The following CFAP299 variants were observed in gnomAD, a reference collection of about 807,000 sequenced individuals.
The protein encoded by CFAP299 is cilia and flagella associated protein 299, also known as cilia- and flagella-associated protein 299.
In CFAP299, 21 loss-of-function variants were observed where a neutral mutation model predicts 27.0. The observed-to-expected ratio is 0.78, with a 90% CI of 0.55 to 1.12. The LOEUF is 1.12. Among genes scored for constraint, CFAP299 ranks in the 50% most tolerant of loss-of-function variants. The pLI, the probability that CFAP299 is intolerant of heterozygous loss-of-function variation, is 0.00. For synonymous variants in CFAP299, 104 were observed against 98.1 expected, an observed-to-expected ratio of 1.06 and a Z score of -0.36; for missense variants, 310 against 276.6, an observed-to-expected ratio of 1.12 and a Z score of -0.86.
chr4:80,870,759 A>C (rs1447631473), intron 4 of CFAP299: 1 of 985,326 alleles, frequency 1.0e-6, no homozygotes, highest in Non-Finnish European at 1.2e-6. Flanking sequence ...CCCCAAAATT[A>C]AGTAGCAGCA....
At chr4:80,591,073 G>T (rs890993736) in intron 3 of CFAP299, among the ~76,000 whole-genome samples, 1 of 147,950 alleles carries the variant, frequency 6.8e-6, no homozygotes, top group Non-Finnish European at 1.5e-5. Context: ...GTCATACATG[G>T]AAGCAAGAAA....
At chr4:80,844,954 G>A (rs1213690412) in intron 3 of CFAP299, among the ~76,000 whole-genome samples, 1 of 152,136 alleles carries the variant, frequency 6.6e-6, no homozygotes, top group Non-Finnish European at 1.5e-5. Context: ...AAGGGATCCA[G>A]TTTCAGCTTT....
intron 5 of CFAP299, among the ~76,000 whole-genome samples, chr4:80,953,417 C>A (rs1459688931): frequency 6.6e-6 from 1 of 152,130 alleles, no homozygotes; most frequent in African/African-American, 2.4e-5. Flanking sequence ...AACATTTTCT[C>A]CTCTGGGTAA....
chr4:80,674,613 G>A (rs1217780039), intron 3 of CFAP299, among the ~76,000 whole-genome samples: 1 of 152,206 alleles, frequency 6.6e-6, no homozygotes, highest in South Asian at 2.1e-4. Context: ...ATCCTGAAGA[G>A]TGTTTTCCAA....
intron 3 of CFAP299, among the ~76,000 whole-genome samples, chr4:80,793,408 C>G (rs1727682593): frequency 1.3e-5 from 2 of 151,988 alleles, no homozygotes; most frequent in South Asian, 4.1e-4. Context: ...CTTTCCCAGC[C>G]CACTGATTAA....
intron 3 of CFAP299, among the ~76,000 whole-genome samples, chr4:80,786,267 T>G (rs192933466): frequency 5.2e-4 from 79 of 152,170 alleles, no homozygotes; most frequent in African/African-American, 1.9e-3. Flanking sequence ...AGTCATAGTT[T>G]GGGGTGGAGA....
intron 3 of CFAP299, among the ~76,000 whole-genome samples, chr4:80,862,111 T>G (rs1732413490): frequency 6.6e-6 from 1 of 152,182 alleles, no homozygotes; most frequent in Admixed American, 6.5e-5. Flanking sequence ...GGTTCATGCC[T>G]GTAATCCCAG....
intron 4 of CFAP299, among the ~76,000 whole-genome samples, chr4:80,911,202 T>C (rs1735454363): frequency 6.6e-6 from 1 of 150,942 alleles, no homozygotes; most frequent in Admixed American, 6.6e-5. Flanking sequence ...AGTTTTACAT[T>C]TTTTTGCTTG....
At position 80,386,513 on chromosome 4, in the gene CFAP299, G is replaced by C. The variant is rs376343889; in HGVS notation, c.242+23629G>C. The stretch of plus-strand genomic sequence containing the variant: ...CTGCCCTCTTCTCGCGGGCGGTGGT[G>C]GGGGGGGGGGGTGCCGCCGGGTTTG... On this transcript the variant is annotated intron_variant, in intron 2 of 5. Coordinates refer to ENST00000358105, the MANE Select transcript of CFAP299 (RefSeq NM_152770.3). The C allele has an allele frequency of 0.012, 12,621 of 1,027,754 alleles. 92 individuals carry two copies. In the African/African-American group the frequency reaches 0.34, roughly 27 times the overall value. The allele number at this position is 1,027,754 out of a possible 1,614,324, so 63.7% of individuals were successfully genotyped here. A position where few individuals can be genotyped will look rare whatever the true frequency, so the allele number is the denominator to read the frequency against.
At chr4:80,333,988 A>G (rs975850882), upstream of CFAP299, among the ~76,000 whole-genome samples, 2 of 152,220 alleles carry the variant, frequency 1.3e-5, no homozygotes, top group Non-Finnish European at 2.9e-5. Flanking sequence ...TATACGCACT[A>G]TTAATTCTAG....
At chr4:80,328,400 A>T in the CFAP299 span, among the ~76,000 whole-genome samples, 1 of 152,082 alleles carries the variant, frequency 6.6e-6, no homozygotes, top group African/African-American at 2.4e-5. Flanking sequence ...ATATCCAGAG[A>T]ATTGGAGGAC....
chr4:80,954,789 G>A (rs1252298063), intron 5 of CFAP299, among the ~76,000 whole-genome samples: 6 of 151,812 alleles, frequency 4.0e-5, no homozygotes, highest in African/African-American at 1.5e-4. Flanking sequence ...CACGAGGTCA[G>A]GTGATCGAGA....
intron 2 of CFAP299, among the ~76,000 whole-genome samples, chr4:80,477,859 G>T (rs1361577258): frequency 6.6e-6 from 1 of 152,024 alleles, no homozygotes; most frequent in African/African-American, 2.4e-5. Context: ...TTGTTGCCTG[G>T]AAAACCCCAG....
At chr4:80,574,567 C>T (rs1331863092) in intron 2 of CFAP299, among the ~76,000 whole-genome samples, 2 of 151,964 alleles carry the variant, frequency 1.3e-5, no homozygotes, top group Non-Finnish European at 2.9e-5. Context: ...TCAATTTTTC[C>T]CCATTAAGTA....
chr4:80,726,058 G>A (rs1723143246), intron 3 of CFAP299, among the ~76,000 whole-genome samples: 2 of 152,140 alleles, frequency 1.3e-5, no homozygotes, highest in Admixed American at 1.3e-4. Flanking sequence ...TAGTGGTCAT[G>A]GTCAACAATC....
At chr4:80,456,080 A>G (rs1337752727) in intron 2 of CFAP299, among the ~76,000 whole-genome samples, 3 of 152,190 alleles carry the variant, frequency 2.0e-5, no homozygotes, top group African/African-American at 7.2e-5. Flanking sequence ...GGCCTTATTT[A>G]GAAGATGACA....
intron 3 of CFAP299, among the ~76,000 whole-genome samples, chr4:80,734,951 T>C (rs191420847): frequency 6.6e-6 from 1 of 152,292 alleles, no homozygotes; most frequent in East Asian, 1.9e-4. Context: ...TGTGATTCCA[T>C]AGAAAGTTTA....
At chr4:80,741,711 C>T (rs766140469) in intron 3 of CFAP299, among the ~76,000 whole-genome samples, 50 of 152,174 alleles carry the variant, frequency 3.3e-4, no homozygotes, top group African/African-American at 6.0e-4. Flanking sequence ...CCCTGGGTCA[C>T]GTGCTACCCT....
chr4:80,892,569 A>T lies in CFAP299; in HGVS notation c.476+22434A>T, dbSNP rs187493161. 9.9e-4 allele frequency among the ~76,000 whole-genome samples: 151 copies of T among 152,318 alleles called. 2 individuals carry two copies. Among genetic ancestry groups the T allele is most frequent in the Non-Finnish European group, 4.9e-4 (33 of 68,014 alleles). ...TAAACAATCAACAAAGTGAAGTATGAGTCAACATATGCAAATTAGTAAATG... is the reference window on the plus strand; with the variant it reads ...TAAACAATCAACAAAGTGAAGTATGTGTCAACATATGCAAATTAGTAAATG... On this transcript the variant is annotated intron_variant, in intron 4 of 5. Transcript: ENST00000358105.
Sources: allele counts gnomAD v4.1 joint callset (sites outside exome capture counted in the v4.1 genomes callset), GRCh38; gene constraint gnomAD v4.1.1; transcripts MANE v1.5; gene names NCBI Gene and HGNC (gene_info 2026-07-23, HGNC 2026-07-21).